The following ZNF385B variants were observed in gnomAD, a reference collection of about 807,000 sequenced individuals.
ZNF385B encodes zinc finger protein 385B.
A neutral mutation model predicts 39.2 loss-of-function variants in ZNF385B; 23 were observed. That is an observed-to-expected ratio of 0.59 (90% CI 0.42 to 0.83). The LOEUF (loss-of-function observed/expected upper bound fraction) is 0.83, where lower values mean the gene tolerates loss of function less well. ZNF385B is among the 40% of genes least tolerant of loss of function. ZNF385B has a pLI of 0.00. For missense variants in ZNF385B, 552 were observed against 598.9 expected (o/e 0.92, Z 0.82); for synonymous variants, 205 against 222.6 (o/e 0.92, Z 0.70).
intron 3 of ZNF385B, among the ~76,000 whole-genome samples, chr2:179,601,621 C>A (rs979278681): frequency 2.0e-5 from 3 of 152,132 alleles, no homozygotes; most frequent in Admixed American, 6.6e-5. Context: ...CCTTCACTTT[C>A]AAATTACAGT....
chr2:179,499,365 C>T (rs2056550236), intron 5 of ZNF385B, among the ~76,000 whole-genome samples: 1 of 151,938 alleles, frequency 6.6e-6, no homozygotes, highest in Admixed American at 6.6e-5. Context: ...GTGCCAATAT[C>T]TCTGATGAAT....
chr2:179,449,856 A>G (rs2049907076), intron 6 of ZNF385B, among the ~76,000 whole-genome samples: 1 of 152,080 alleles, frequency 6.6e-6, no homozygotes, highest in African/African-American at 2.4e-5. Flanking sequence ...AAACTATACC[A>G]CAAGGCTACA....
At position 179,647,315 on chromosome 2, in the gene ZNF385B, C is replaced by A. The variant is rs182696747; in HGVS notation, c.299-102346G>T. On this transcript the variant is annotated intron_variant, in intron 3 of 9. Coordinates refer to ENST00000410066, the MANE Select transcript of ZNF385B (RefSeq NM_152520.6). ...AATATTTGCACATATTTATGTGGTA[C>A]ATCAACATTTTGTTACATGCATATA... Among the ~76,000 whole-genome samples, 23 of 151,946 alleles carry A rather than the reference C, an allele frequency of 1.5e-4. 1 individual carries two copies. The East Asian group carries it at 4.4e-3, about 29-fold the overall frequency.
intron 1 of ZNF385B, among the ~76,000 whole-genome samples, chr2:179,816,438 C>A (rs1274373132): frequency 6.6e-6 from 1 of 152,150 alleles, no homozygotes; most frequent in African/African-American, 2.4e-5. Context: ...TAAAAACAAA[C>A]GTAAGTTAGA....
At chr2:179,820,724 T>C (rs1707350121) in intron 1 of ZNF385B, among the ~76,000 whole-genome samples, 1 of 152,168 alleles carries the variant, frequency 6.6e-6, no homozygotes, top group Non-Finnish European at 1.5e-5. Context: ...TAAAAGGCTA[T>C]AATTGTATTT....
intron 4 of ZNF385B, chr2:179,522,805 T>C (rs145035351): frequency 5.9e-6 from 2 of 340,376 alleles, no homozygotes; most frequent in Non-Finnish European, 1.2e-5. Context: ...TATAATTCAT[T>C]AGGAAATAAT....
chr2:179,833,052 G>A (rs910673879), intron 1 of ZNF385B, among the ~76,000 whole-genome samples: 1 of 152,020 alleles, frequency 6.6e-6, no homozygotes, highest in African/African-American at 2.4e-5. Flanking sequence ...ATTATACAGA[G>A]ACAAAGTATC....
intron 3 of ZNF385B, among the ~76,000 whole-genome samples, chr2:179,651,279 A>T (rs942237296): frequency 6.6e-6 from 1 of 152,190 alleles, no homozygotes; most frequent in African/African-American, 2.4e-5. Flanking sequence ...GTTCAATAAT[A>T]TATTTTCAGG....
chr2:179,824,229 T>C (rs1039850072), intron 1 of ZNF385B, among the ~76,000 whole-genome samples: 2 of 152,126 alleles, frequency 1.3e-5, no homozygotes, highest in African/African-American at 4.8e-5. Flanking sequence ...TAAAAAGATA[T>C]CACTGTGGCT....
At chr2:179,663,713 C>CAA (rs71401756) in intron 3 of ZNF385B, among the ~76,000 whole-genome samples, 2,044 of 67,246 alleles carry the variant, frequency 0.03, 131 homozygotes, top group East Asian at 0.07. Flanking sequence ...GACTCCGTCT[C>CAA]AAAAAAAAAA....
intron 5 of ZNF385B, among the ~76,000 whole-genome samples, chr2:179,503,165 G>A (rs1033576879): frequency 6.6e-6 from 1 of 152,198 alleles, no homozygotes; most frequent in Non-Finnish European, 1.5e-5. Context: ...ATGAGCCACT[G>A]TGCCTGGTAA....
chr2:179,515,612 A>G (rs1193001892), intron 5 of ZNF385B, among the ~76,000 whole-genome samples: 1 of 152,200 alleles, frequency 6.6e-6, no homozygotes, highest in Non-Finnish European at 1.5e-5. Context: ...TTCAGTATTT[A>G]TTATTGTGTC....
At chr2:179,707,690 T>C (rs1699715235) in intron 3 of ZNF385B, among the ~76,000 whole-genome samples, 1 of 152,030 alleles carries the variant, frequency 6.6e-6, no homozygotes, top group African/African-American at 2.4e-5. Context: ...TTAGGGGAAA[T>C]GGAGAAACTG....
intron 3 of ZNF385B, among the ~76,000 whole-genome samples, chr2:179,760,896 C>T (rs969540013): frequency 3.9e-5 from 6 of 152,084 alleles, no homozygotes; most frequent in African/African-American, 1.4e-4. Context: ...CTATAATTCA[C>T]TTTGAGTTAA....
intron 5 of ZNF385B, among the ~76,000 whole-genome samples, chr2:179,486,649 C>G (rs574317593): frequency 1.3e-3 from 203 of 152,272 alleles, no homozygotes; most frequent in African/African-American, 4.7e-3. Context: ...AGGCCAGGTG[C>G]AGTGCCTGTA....
In ZNF385B at chr2:179,571,332, T is replaced by G. The variant is rs192179430; in HGVS notation, c.299-26363A>C. Among the ~76,000 whole-genome samples, 3 of 152,314 alleles carry G rather than the reference T, an allele frequency of 2.0e-5. No individual in the cohort carries two copies. The East Asian group carries it at 5.8e-4, about 29-fold the overall frequency. On this transcript the variant is annotated intron_variant, in intron 3 of 9. Transcript: ENST00000410066. ...CAGCTGTAAAAATAATGACAGTGAT[T>G]ATGATGATGATGACAGCACTGTGAT... is the stretch of plus-strand genomic sequence containing the variant.
intron 3 of ZNF385B, among the ~76,000 whole-genome samples, chr2:179,733,558 G>A (rs1450194539): frequency 3.9e-5 from 6 of 152,064 alleles, no homozygotes; most frequent in Non-Finnish European, 1.5e-5. Context: ...CGAGGCGGGC[G>A]GATCACGAGG....
intron 3 of ZNF385B, among the ~76,000 whole-genome samples, chr2:179,708,319 GCTT>G (rs1699767427): frequency 6.6e-6 from 1 of 152,180 alleles, no homozygotes; most frequent in Admixed American, 6.5e-5. Flanking sequence ...GAAAGTACTT[GCTT>G]CTTCTTTGCC....
intron 3 of ZNF385B, among the ~76,000 whole-genome samples, chr2:179,731,313 G>T (rs371969920): frequency 1.3e-5 from 2 of 152,202 alleles, no homozygotes; most frequent in African/African-American, 4.8e-5. Flanking sequence ...ACTGAGTTTA[G>T]GGAGGTAAGA....
Sources: allele counts gnomAD v4.1 joint callset (sites outside exome capture counted in the v4.1 genomes callset), GRCh38; gene constraint gnomAD v4.1.1; transcripts MANE v1.5; gene names NCBI Gene and HGNC (gene_info 2026-07-23, HGNC 2026-07-21).